Variants in ARFIP1 observed in about 807,000 individuals in gnomAD.
ARFIP1 encodes arfaptin-1.
In ARFIP1, 24 loss-of-function variants were observed where a neutral mutation model predicts 42.5. That is an observed-to-expected ratio of 0.57 (90% CI 0.41 to 0.80). ARFIP1 has a LOEUF of 0.80. Ranked by LOEUF, ARFIP1 falls within the 30% of genes least tolerant of loss-of-function variation. ARFIP1 has a pLI of 0.00. For synonymous variants in ARFIP1, 141 were observed against 153.7 expected (o/e 0.92, Z 0.61); for missense variants, 354 against 434.0 (o/e 0.82, Z 1.64).
Position 152,870,901 on chromosome 4 carries a change from C to T in ARFIP1, c.298+53C>T, listed in dbSNP as rs983038276. The T allele has an allele frequency of 2.0e-5, 29 of 1,429,110 alleles. No homozygotes were observed. In the Admixed American group the frequency reaches 4.4e-4, roughly 22 times the overall value. 88.5% of individuals were successfully genotyped at this position (1,429,110 alleles called of 1,614,324 possible). A position where few individuals can be genotyped will look rare whatever the true frequency, so the allele number is the denominator to read the frequency against. ...ACTTATTGCTACTGCTGAAGCTACA[C>T]TAATTTACTCAGTTTCATAATCACT... On this transcript the variant is annotated intron_variant, in intron 4 of 8. Transcript: ENST00000353617.
chr4:152,800,852 A>G (rs1728366377), intron 1 of ARFIP1, among the ~76,000 whole-genome samples: 1 of 152,200 alleles, frequency 6.6e-6, no homozygotes, highest in Admixed American at 6.5e-5. Context: ...CAAGTCAAGC[A>G]TTGTGGCAGT....
At chr4:152,857,552 G>T (rs1733543698) in intron 2 of ARFIP1, among the ~76,000 whole-genome samples, 1 of 152,106 alleles carries the variant, frequency 6.6e-6, no homozygotes, top group African/African-American at 2.4e-5. Flanking sequence ...ATTAAATGAG[G>T]TAATATATAC....
At position 152,894,164 on chromosome 4, in the gene ARFIP1, C is replaced by T. The variant is rs527743716; in HGVS notation, c.966+5857C>T. On this transcript the variant is annotated intron_variant, in intron 8 of 8. Transcript: ENST00000353617. ...CGGAGGTTGCAGTGAGCCGAGATCG[C>T]GCCACTACACTCCAGCCTAGATGAC... Among the ~76,000 whole-genome samples the T allele has an allele frequency of 2.0e-5, 3 of 149,572 alleles. No homozygotes were observed. In the Admixed American group the frequency reaches 2.0e-4, roughly 10 times the overall value.
chr4:152,829,430 A>G (rs970849602), intron 1 of ARFIP1, among the ~76,000 whole-genome samples, 195 bp from the exon 2 acceptor site: 1 of 152,146 alleles, frequency 6.6e-6, no homozygotes, highest in Non-Finnish European at 1.5e-5. Flanking sequence ...TTTAATTAAG[A>G]AGTTTAGGTT....
chr4:152,788,044 G>A (rs902085728), intron 1 of ARFIP1, among the ~76,000 whole-genome samples: 3 of 152,094 alleles, frequency 2.0e-5, no homozygotes, highest in Non-Finnish European at 2.9e-5. Context: ...TGGCCAACAT[G>A]GTGAAACCCT....
chr4:152,790,331 TACA>T (rs1296967498), intron 1 of ARFIP1, among the ~76,000 whole-genome samples: 2 of 152,218 alleles, frequency 1.3e-5, no homozygotes, highest in Non-Finnish European at 2.9e-5. Flanking sequence ...TGAAATCAAT[TACA>T]ACAACAGAGA....
intron 1 of ARFIP1, among the ~76,000 whole-genome samples, chr4:152,795,567 C>T (rs908844859): frequency 1.3e-5 from 2 of 152,072 alleles, no homozygotes; most frequent in Admixed American, 6.6e-5. Context: ...ATTGCTGGGG[C>T]CAAAGTTAAG....
intron 3 of ARFIP1, among the ~76,000 whole-genome samples, chr4:152,868,307 C>G (rs1479519089): frequency 6.6e-6 from 1 of 152,118 alleles, no homozygotes; most frequent in Non-Finnish European, 1.5e-5. Flanking sequence ...AATCTTTGCA[C>G]ATATGTATTC....
chr4:152,808,005 A>G (rs1216496911), intron 1 of ARFIP1, among the ~76,000 whole-genome samples: 5 of 151,612 alleles, frequency 3.3e-5, no homozygotes, highest in Admixed American at 3.3e-4. Context: ...TTTAAGACAG[A>G]GTTTCGCTGT....
chr4:152,862,790 A>G (rs557042441), intron 2 of ARFIP1, among the ~76,000 whole-genome samples: 1 of 152,332 alleles, frequency 6.6e-6, no homozygotes, highest in African/African-American at 2.4e-5. Flanking sequence ...ATTTAAGTCT[A>G]CATTATTCAT....
intron 2 of ARFIP1, among the ~76,000 whole-genome samples, chr4:152,854,168 C>T (rs1291950049): frequency 6.6e-6 from 1 of 152,126 alleles, no homozygotes; most frequent in Non-Finnish European, 1.5e-5. Context: ...CTGCCTCAGC[C>T]TCTCAAAGTG....
intron 8 of ARFIP1, among the ~76,000 whole-genome samples, chr4:152,891,227 A>G (rs1008840548): frequency 6.6e-6 from 1 of 152,244 alleles, no homozygotes; most frequent in Non-Finnish European, 1.5e-5. Flanking sequence ...ACAAACATTC[A>G]GACTGCAGCA....
intron 1 of ARFIP1, among the ~76,000 whole-genome samples, chr4:152,793,559 A>G (rs1382155937): frequency 1.3e-5 from 2 of 152,082 alleles, no homozygotes; most frequent in Admixed American, 6.6e-5. Flanking sequence ...CTATACATAC[A>G]TACCTATGAT....
At chr4:152,856,038 G>A (rs1733401993) in intron 2 of ARFIP1, among the ~76,000 whole-genome samples, 1 of 152,146 alleles carries the variant, frequency 6.6e-6, no homozygotes, top group African/African-American at 2.4e-5. Flanking sequence ...AGTGCGAAAT[G>A]CCTCTAATCA....
chr4:152,798,467 C>G (rs1731608673), intron 1 of ARFIP1, among the ~76,000 whole-genome samples: 1 of 152,144 alleles, frequency 6.6e-6, no homozygotes, highest in African/African-American at 2.4e-5. Flanking sequence ...GTCACATACA[C>G]TCCATCTTAG....
chr4:152,851,850 C>A (rs1379233017), intron 2 of ARFIP1, among the ~76,000 whole-genome samples: 1 of 152,156 alleles, frequency 6.6e-6, no homozygotes. Context: ...AAGTTCTAAA[C>A]TTATGTTTTT....
intron 2 of ARFIP1, among the ~76,000 whole-genome samples, chr4:152,833,751 T>C (rs1270057718): frequency 1.3e-5 from 2 of 152,178 alleles, no homozygotes; most frequent in East Asian, 3.8e-4. Context: ...CTGGAAGATA[T>C]TAGGCTAAGT....
chr4:152,868,004 A>T (rs1561155840), intron 3 of ARFIP1, among the ~76,000 whole-genome samples: 1 of 152,224 alleles, frequency 6.6e-6, no homozygotes, highest in Non-Finnish European at 1.5e-5. Flanking sequence ...AATAGGTCTT[A>T]TGAAAAAATG....
intron 8 of ARFIP1, among the ~76,000 whole-genome samples, chr4:152,894,178 A>C: frequency 6.6e-6 from 1 of 150,996 alleles, no homozygotes. Flanking sequence ...ACTACACTCC[A>C]GCCTAGATGA....
Sources: allele counts gnomAD v4.1 joint callset (sites outside exome capture counted in the v4.1 genomes callset), GRCh38; gene constraint gnomAD v4.1.1; transcripts MANE v1.5; gene names NCBI Gene and HGNC (gene_info 2026-07-23, HGNC 2026-07-21).